Variants in MSRA observed in about 807,000 individuals in gnomAD.
MSRA encodes methionine sulfoxide reductase A.
In MSRA, 54 loss-of-function variants were observed where a neutral mutation model predicts 31.3. That is an observed-to-expected ratio of 1.73 (90% CI 1.39 to 2.17). MSRA has a LOEUF of 2.17. MSRA is among the 30% of genes most tolerant of loss of function. The pLI, the probability that MSRA is intolerant of heterozygous loss-of-function variation, is 0.00. For missense variants in MSRA, 507 were observed against 300.9 expected (o/e 1.69, Z -5.07); for synonymous variants, 169 against 116.5 (o/e 1.45, Z -2.90).
chr8:10,330,875 C>G (rs1415897313), intron 5 of MSRA, among the ~76,000 whole-genome samples: 1 of 152,182 alleles, frequency 6.6e-6, no homozygotes, highest in African/African-American at 2.4e-5. Flanking sequence ...TGTGTCCCCC[C>G]AAATTCATAT....
rs1309464652 is a variant in MSRA, at chr8:10,417,753, G to GTTGTGTGTGTGTGTGTGTGTGTGTGT, written c.544-10394_544-10369dup. ...TTGTCTGGGCTTATTAAACCTGCAT[G>GTTGTGTGTGTGTGTGTGTGTGTGTGT]TTGTGTGTGTGTGTGTGTGTGTGTG... On this transcript the variant is annotated intron_variant, in intron 5 of 5. Transcript: ENST00000317173. Among the ~76,000 whole-genome samples, 12 of 20,382 alleles carry GTTGTGTGTGTGTGTGTGTGTGTGTGT rather than the reference G, an allele frequency of 5.9e-4. 1 individual carries two copies. The highest frequency in any genetic ancestry group is 2.8e-3 in the African/African-American group (12 of 4,228). The allele number at this position is 20,382 out of a possible 152,430, so 13.4% of individuals were successfully genotyped here.
At chr8:10,243,670 T>C (rs566441089) in intron 2 of MSRA, among the ~76,000 whole-genome samples, 5 of 152,284 alleles carry the variant, frequency 3.3e-5, no homozygotes, top group African/African-American at 1.2e-4. Flanking sequence ...TATTCCTAAA[T>C]TGTCACCACT....
chr8:10,238,215 CTGAA>C, intron 2 of MSRA, among the ~76,000 whole-genome samples: 1 of 152,314 alleles, frequency 6.6e-6, no homozygotes, highest in Admixed American at 6.5e-5. Context: ...CTGGGGATAT[CTGAA>C]TGGGTGAGTG....
intron 5 of MSRA, among the ~76,000 whole-genome samples, chr8:10,398,935 C>T (rs559405642): frequency 3.9e-5 from 6 of 152,166 alleles, no homozygotes; most frequent in East Asian, 1.9e-4. Flanking sequence ...AAGCCCCTAT[C>T]GAGAGAGGCA....
intron 5 of MSRA, among the ~76,000 whole-genome samples, chr8:10,403,338 G>C (rs1348016540): frequency 1.3e-5 from 2 of 152,158 alleles, no homozygotes; most frequent in Admixed American, 6.5e-5. Flanking sequence ...AAGCCCTGTC[G>C]TGCTGTGTGG....
At chr8:10,142,528 C>T (rs865820136) in intron 1 of MSRA, among the ~76,000 whole-genome samples, 1 of 152,238 alleles carries the variant, frequency 6.6e-6, no homozygotes, top group South Asian at 2.1e-4. Context: ...AGTAGCATTT[C>T]TGACAAAGGT....
At chr8:10,176,325 C>A (rs1351195239) in intron 1 of MSRA, among the ~76,000 whole-genome samples, 2 of 152,156 alleles carry the variant, frequency 1.3e-5, no homozygotes, top group African/African-American at 4.8e-5. Context: ...GAGATGCCAG[C>A]TCTGTCTGGG....
intron 5 of MSRA, among the ~76,000 whole-genome samples, chr8:10,368,083 G>A (rs781192466): frequency 3.9e-5 from 6 of 152,160 alleles, no homozygotes; most frequent in Non-Finnish European, 7.3e-5. Context: ...CCACAGCAGA[G>A]CCAGGCACAG....
intron 1 of MSRA, among the ~76,000 whole-genome samples, chr8:10,058,563 C>A (rs1585059303): frequency 6.9e-6 from 1 of 145,300 alleles, no homozygotes; most frequent in South Asian, 2.2e-4. Context: ...TCTAGTTTCA[C>A]CAAGATTATC....
intron 2 of MSRA, among the ~76,000 whole-genome samples, chr8:10,244,162 C>G (rs1454973614): frequency 6.6e-6 from 1 of 152,130 alleles, no homozygotes; most frequent in Non-Finnish European, 1.5e-5. Flanking sequence ...CACTCAGGAT[C>G]TCAGTTATAC....
At chr8:10,263,845 C>G (rs949042783) in intron 3 of MSRA, among the ~76,000 whole-genome samples, 13 of 152,140 alleles carry the variant, frequency 8.5e-5, no homozygotes, top group Non-Finnish European at 1.5e-5. Flanking sequence ...ATAGCTGATG[C>G]TTTTAGAAAT....
chr8:10,287,036 C>A (rs1291627984), intron 3 of MSRA, among the ~76,000 whole-genome samples: 1 of 152,198 alleles, frequency 6.6e-6, no homozygotes, highest in African/African-American at 2.4e-5. Flanking sequence ...CACAGTTTCC[C>A]AGCACTTCAT....
chr8:10,075,873 G>A (rs1408020512), intron 1 of MSRA, among the ~76,000 whole-genome samples: 1 of 152,152 alleles, frequency 6.6e-6, no homozygotes, highest in African/African-American at 2.4e-5. Flanking sequence ...CCAAGATATG[G>A]AGACTCATTT....
chr8:10,209,738 C>G (rs1249691003), intron 2 of MSRA, among the ~76,000 whole-genome samples: 1 of 152,190 alleles, frequency 6.6e-6, no homozygotes, highest in East Asian at 1.9e-4. Flanking sequence ...TTGGCCTTTA[C>G]CTCTTACGCC....
At chr8:10,364,475 G>C (rs1011408582) in intron 5 of MSRA, among the ~76,000 whole-genome samples, 1 of 152,118 alleles carries the variant, frequency 6.6e-6, no homozygotes, top group Admixed American at 6.5e-5. Flanking sequence ...GAGAATTGTG[G>C]GACCAATAGC....
intron 4 of MSRA, among the ~76,000 whole-genome samples, chr8:10,305,455 C>G (rs1801082425): frequency 7.0e-6 from 1 of 143,540 alleles, no homozygotes; most frequent in African/African-American, 2.6e-5. Context: ...GCTCTGTTGC[C>G]TAGGCTGGAG....
At chr8:10,325,633 C>T (rs1802319275) in intron 5 of MSRA, among the ~76,000 whole-genome samples, 1 of 152,132 alleles carries the variant, frequency 6.6e-6, no homozygotes, top group African/African-American at 2.4e-5. Flanking sequence ...ATTGCAAAAT[C>T]AGCAATTTGC....
intron 1 of MSRA, among the ~76,000 whole-genome samples, chr8:10,126,757 A>T (rs185129863): frequency 6.6e-6 from 1 of 152,062 alleles, no homozygotes; most frequent in East Asian, 1.9e-4. Flanking sequence ...CAAGTGATCC[A>T]CTCGCCTTGG....
chr8:10,193,309 C>G (rs1331670201), intron 1 of MSRA, among the ~76,000 whole-genome samples: 5 of 152,174 alleles, frequency 3.3e-5, no homozygotes, highest in East Asian at 1.9e-4. Context: ...GGCCTATGGC[C>G]TTCCCGCTGA....
Sources: allele counts gnomAD v4.1 joint callset (sites outside exome capture counted in the v4.1 genomes callset), GRCh38; gene constraint gnomAD v4.1.1; transcripts MANE v1.5; gene names NCBI Gene and HGNC (gene_info 2026-07-23, HGNC 2026-07-21).